CTSL: variants seen among roughly 807,000 people sequenced by gnomAD.
The protein encoded by CTSL is procathepsin L.
Under a neutral mutation model 34.7 loss-of-function variants are expected in CTSL, and 23 were observed. The ratio of observed to expected loss-of-function variants is 0.66; its 90% CI spans 0.48 to 0.94. The LOEUF (loss-of-function observed/expected upper bound fraction) is 0.94, where lower values mean the gene tolerates loss of function less well. CTSL is among the 40% of genes least tolerant of loss of function. The probability of loss-of-function intolerance (pLI) is 0.00; values close to 1 mark genes in which losing one functional copy is unlikely to be tolerated. For synonymous variants in CTSL, 129 were observed against 136.7 expected (o/e 0.94, Z 0.39); for missense variants, 361 against 406.3 (o/e 0.89, Z 0.96).
At chr9:87,727,046 AAAT>A (rs1826035309) in intron 1 of CTSL, among the ~76,000 whole-genome samples, 1 of 87,712 alleles carries the variant, frequency 1.1e-5, no homozygotes, top group African/African-American at 5.5e-5. Context: ...CTCAAAAAAT[AAAT>A]AAATAAATAA....
At chr9:87,730,941 G>C in intron 7 of CTSL, 67 bp from the exon 8 acceptor site, 1 of 1,282,996 alleles carries the variant, frequency 7.8e-7, no homozygotes, top group Non-Finnish European at 1.1e-6. Flanking sequence ...TTTAAGTTGG[G>C]TGTTCCTGTT....
chr9:87,728,430 C>G, intron 4 of CTSL, 34 bp downstream of exon 4: 1 of 1,599,902 alleles, frequency 6.3e-7, no homozygotes, highest in Non-Finnish European at 8.5e-7. Context: ...CTCCCATCTT[C>G]CCAGGAAAGC....
chr9:87,729,721 T>C lies in CTSL; in HGVS notation c.770T>C (p.Leu257Pro). The C allele has an allele frequency of 6.2e-7, 1 of 1,604,870 alleles. No homozygotes were observed. ...ATTGATGCAGGTCATGAGTCCTTCC[T>C]GTTCTATAAAGAAGGTAAGCATATT... ...VAIDAGHESF[L>P]FYKEGIYFEP... The change falls in exon 6 of 8, where the codon CTG becomes CCG. Residue 257 changes from leucine (L) to proline (P), a missense_variant. Physicochemically the swap from Leu to Pro is moderately conservative, Grantham distance 98. Transcript: ENST00000343150.
At position 87,729,578 on chromosome 9, in the gene CTSL, A is replaced by G. The variant is rs372141383; in HGVS notation, c.627A>G (p.Glu209=). 8 of 1,613,224 alleles carry G rather than the reference A, an allele frequency of 5.0e-6. No homozygotes were observed. Among genetic ancestry groups the G allele is most frequent in the Non-Finnish European group, 6.8e-6 (8 of 1,179,876 alleles). The change falls in exon 6 of 8, where the codon GAA becomes GAG. Residue 209 remains glutamate, a synonymous_variant. Transcript: ENST00000343150. ...EESYPYEATE[E]SCKYNPKYSV... is the part of the protein sequence containing the mutation. ...TTTCCCTTTACCTTTGAAAGGAAGA[A>G]TCCTGTAAGTACAATCCCAAGTATT...
chr9:87,728,124 T>C lies in CTSL; in HGVS notation c.224T>C (p.Met75Thr), dbSNP rs752776054. 16 of 1,614,202 alleles carry C rather than the reference T, an allele frequency of 9.9e-6. No individual in the cohort carries two copies. Among genetic ancestry groups the C allele is most frequent in the Admixed American group, 1.7e-5 (1 of 60,028 alleles). The part of the protein sequence containing the change: ...EYREGKHSFT[M>T]AMNAFGDMTS... The stretch of plus-strand genomic sequence containing the variant: ...AGGGAAGGGAAACACAGCTTCACAA[T>C]GGCCATGAACGCCTTTGGAGACATG... The change falls in exon 3 of 8, where the codon ATG (methionine) becomes ACG (threonine). Residue 75 changes from methionine to threonine, a missense_variant. Met to Thr is a moderately conservative substitution (Grantham distance 81, BLOSUM62 -1). Transcript: ENST00000343150.
chr9:87,730,751 T>A (rs930067539), intron 7 of CTSL, among the ~76,000 whole-genome samples: 4 of 152,242 alleles, frequency 2.6e-5, no homozygotes, highest in African/African-American at 9.6e-5. Context: ...TTCTGAGGCA[T>A]ATCTGGCTGC....
rs759439709 is a variant in CTSL at position 87,728,687 on chromosome 9, G to T, written c.499G>T (p.Val167Leu). ...RLISLSEQNL[V>L]DCSGPQGNEG... ...TATCTCACTGAGTGAGCAGAATCTG[G>T]TAGACTGCTCTGGGCCTCAAGGCAA... Residue 167 changes from valine to leucine, a missense_variant, in exon 5 of 8, where the codon GTA becomes TTA. Val to Leu is a conservative substitution (Grantham distance 32). Transcript: ENST00000343150. The T allele has an allele frequency of 6.2e-7, 1 of 1,614,110 alleles. No individual in the cohort carries two copies. Among genetic ancestry groups the T allele is most frequent in the South Asian group, 1.1e-5 (1 of 91,084 alleles).
At position 87,727,656 on chromosome 9, in the gene CTSL, C is replaced by T; in HGVS notation, c.53C>T (p.Thr18Ile). ...AAFCLGIASA[T>I]LTFDHSLEAQ... is the part of the protein sequence containing the mutation. ...TTTTGCCTGGGAATTGCCTCAGCTA[C>T]TCTAACATTTGATCACAGTTTAGAG... The change falls in exon 2 of 8, where the codon ACT (threonine) becomes ATT (isoleucine). Residue 18 changes from threonine (T) to isoleucine (I), a missense_variant. Thr to Ile is a moderately conservative substitution (Grantham distance 89). Coordinates refer to ENST00000343150, the MANE Select transcript of CTSL (RefSeq NM_001912.5). 1 of 1,614,080 alleles carries T rather than the reference C, an allele frequency of 6.2e-7. No homozygotes were observed. Among genetic ancestry groups the T allele is most frequent in the East Asian group, 2.2e-5 (1 of 44,880 alleles).
Position 87,731,142 on chromosome 9 carries a change from G to C in CTSL, c.*35G>C, listed in dbSNP as rs1313489426. Reference sequence around the variant, plus strand: ...CGGTGATGAGGAAGGACTTGACTGGGGATGGCGCATGCATGGGAGGAATTC... The same window carrying C: ...CGGTGATGAGGAAGGACTTGACTGGCGATGGCGCATGCATGGGAGGAATTC... On this transcript the variant is annotated 3_prime_UTR_variant, in exon 8 of 8. Transcript: ENST00000343150. 2 of 1,544,466 alleles carry C rather than the reference G, an allele frequency of 1.3e-6. No individual in the cohort carries two copies. Among genetic ancestry groups the C allele is most frequent in the Non-Finnish European group, 1.8e-6 (2 of 1,118,392 alleles).
chr9:87,730,363 C>T lies in CTSL; in HGVS notation c.785-18C>T, dbSNP rs373784589. 1.3e-6 allele frequency: 2 copies of T among 1,580,334 alleles called. No individual in the cohort carries two copies. Among genetic ancestry groups the T allele is most frequent in the African/African-American group, 2.7e-5 (2 of 73,636 alleles). On this transcript the variant is annotated intron_variant, in intron 6 of 7. Coordinates refer to ENST00000343150, the MANE Select transcript of CTSL (RefSeq NM_001912.5). ...TCCTCTGGAGCTTCTCACCCCAGCC[C>T]TCATTTTACCATCCCAGGCATTTAT...
chr9:87,729,782 A>G, intron 6 of CTSL, 47 bp downstream of exon 6: 1 of 1,559,216 alleles, frequency 6.4e-7, no homozygotes, highest in Non-Finnish European at 8.7e-7. Context: ...AAAGAGTATC[A>G]TGACATACGA....
At position 87,728,336 on chromosome 9, in the gene CTSL, T is replaced by TG; in HGVS notation, c.337dup (p.Glu113GlyfsTer30). 6.2e-7 allele frequency: 1 copy of TG among 1,614,210 alleles called. No homozygotes were observed. The highest frequency in any genetic ancestry group is 8.5e-7 in the Non-Finnish European group (1 of 1,180,028). On this transcript the variant is annotated frameshift_variant, in exon 4 of 8. Coordinates refer to ENST00000343150, the MANE Select transcript of CTSL (RefSeq NM_001912.5). LOFTEE classifies it high-confidence loss of function. ...AAGTGTTCCAGGAACCTCTGTTTTA[T>TG]GAGGCCCCCAGATCTGTGGATTGGA...
chr9:87,728,863 T>G, intron 5 of CTSL, 54 bp downstream of exon 5: 1 of 1,612,972 alleles, frequency 6.2e-7, no homozygotes, highest in East Asian at 2.2e-5. Context: ...GGTGGACACT[T>G]TAAGAGATAA....
chr9:87,727,768 T>C lies in CTSL; in HGVS notation c.126+39T>C. 1.9e-6 allele frequency: 3 copies of C among 1,612,234 alleles called. No individual in the cohort carries two copies. In the South Asian group the frequency reaches 3.3e-5, roughly 18 times the overall value. The stretch of plus-strand genomic sequence containing the variant: ...CCCCAGAAAGAATAGTCCTGGCTGT[T>C]GAGAAGTTTTAGTCAGAGAGTAGCT... On this transcript the variant is annotated intron_variant, in intron 2 of 7. Transcript: ENST00000343150.
In CTSL at chr9:87,731,190, C is replaced by A; in HGVS notation, c.*83C>A. The stretch of plus-strand genomic sequence containing the variant: ...TTCATCTTCAGTCTACCAGCCCCCG[C>A]TGTGTCGGATACACACTCGAATCAT... On this transcript the variant is annotated 3_prime_UTR_variant, in exon 8 of 8. Coordinates refer to ENST00000343150, the MANE Select transcript of CTSL (RefSeq NM_001912.5). The A allele has an allele frequency of 2.0e-6, 2 of 988,678 alleles. No individual in the cohort carries two copies. The highest frequency in any genetic ancestry group is 1.6e-6 in the Non-Finnish European group (1 of 639,036). The allele number at this position is 988,678 out of a possible 1,614,324, so 61.2% of individuals were successfully genotyped here.
In CTSL at chr9:87,729,620, C is replaced by A. The variant is rs570819883; in HGVS notation, c.669C>A (p.Thr223=). The A allele has an allele frequency of 2.5e-6, 4 of 1,614,038 alleles. No individual in the cohort carries two copies. Among genetic ancestry groups the A allele is most frequent in the African/African-American group, 2.7e-5 (2 of 75,014 alleles). The change falls in exon 6 of 8, where the codon ACC becomes ACA. Residue 223 remains threonine, a synonymous_variant. Coordinates refer to ENST00000343150, the MANE Select transcript of CTSL (RefSeq NM_001912.5). The part of the protein sequence containing the change: ...YNPKYSVAND[T]GFVDIPKQEK... The stretch of plus-strand genomic sequence containing the variant: ...CCAAGTATTCTGTTGCTAATGACAC[C>A]GGCTTTGTGGACATCCCTAAGCAGG...
chr9:87,730,958 C>T, intron 7 of CTSL, 50 bp from the exon 8 acceptor site: 1 of 1,499,014 alleles, frequency 6.7e-7, no homozygotes. Context: ...TGTTAATAAC[C>T]CTTTGGGCTT....
chr9:87,727,980 G>A, intron 2 of CTSL, 47 bp from the exon 3 acceptor site: 4 of 1,608,334 alleles, frequency 2.5e-6, no homozygotes, highest in Non-Finnish European at 2.5e-6. Flanking sequence ...AGGATGAGTT[G>A]GGTTTTAGGT....
intron 7 of CTSL, 93 bp from the exon 8 acceptor site, chr9:87,730,915 G>A: frequency 1.0e-6 from 1 of 961,250 alleles, no homozygotes; most frequent in South Asian, 1.5e-5. Context: ...TTAAGTCTAT[G>A]GCCTCTGGCA....
Sources: allele counts gnomAD v4.1 joint callset (sites outside exome capture counted in the v4.1 genomes callset), GRCh38; gene constraint gnomAD v4.1.1; transcripts MANE v1.5; gene names NCBI Gene and HGNC (gene_info 2026-07-23, HGNC 2026-07-21).